The following KCNH1 variants were observed in gnomAD, a reference collection of about 807,000 sequenced individuals.
KCNH1 encodes the protein potassium voltage-gated channel subfamily H member 1, also known as voltage-gated delayed rectifier potassium channel KCNH1.
In KCNH1, 27 loss-of-function variants were observed where a neutral mutation model predicts 69.2. The observed-to-expected ratio is 0.39, with a 90% CI of 0.29 to 0.54. KCNH1 has a LOEUF of 0.54. KCNH1 is among the 20% of genes least tolerant of loss of function. The probability of loss-of-function intolerance (pLI) is 0.68; values close to 1 mark genes in which losing one functional copy is unlikely to be tolerated. For synonymous variants in KCNH1, 456 were observed against 487.7 expected (o/e 0.93, Z 0.86); for missense variants, 798 against 1,261.6 (o/e 0.63, Z 5.57).
At chr1:210,982,204 A>T (rs557998067) in intron 6 of KCNH1, among the ~76,000 whole-genome samples, 19 of 146,184 alleles carry the variant, frequency 1.3e-4, no homozygotes, top group African/African-American at 3.9e-4. Flanking sequence ...CAGCTACGAA[A>T]AGGATGCGAG....
At chr1:211,061,899 T>C (rs1374232132) in intron 5 of KCNH1, among the ~76,000 whole-genome samples, 1 of 152,034 alleles carries the variant, frequency 6.6e-6, no homozygotes, top group Non-Finnish European at 1.5e-5. Flanking sequence ...CCCAAAGCAA[T>C]CTACAAATTC....
intron 6 of KCNH1, among the ~76,000 whole-genome samples, chr1:210,953,310 A>C (rs1688098157): frequency 6.6e-6 from 1 of 152,116 alleles, no homozygotes; most frequent in Non-Finnish European, 1.5e-5. Context: ...CAACCTCCTC[A>C]CCACTCAGGT....
chr1:210,903,488 T>C (rs1399645067), intron 7 of KCNH1, among the ~76,000 whole-genome samples: 1 of 152,202 alleles, frequency 6.6e-6, no homozygotes, highest in Non-Finnish European at 1.5e-5. Flanking sequence ...ATGGTGAATA[T>C]AGTATGTATT....
intron 10 of KCNH1, among the ~76,000 whole-genome samples, chr1:210,770,689 C>T (rs1683737020): frequency 6.6e-6 from 1 of 152,256 alleles, no homozygotes; most frequent in Non-Finnish European, 1.5e-5. Context: ...TGGGGTATTA[C>T]TGTGGTTTTA....
In KCNH1 at chr1:210,683,385, T is replaced by TGAGTA; in HGVS notation, c.2861_2865dup (p.Arg956TyrfsTer5). The TGAGTA allele has an allele frequency of 6.2e-7, 1 of 1,614,172 alleles. No individual in the cohort carries two copies. ...GAGGATCTTCTGGAAGTTAATATCC[T>TGAGTA]GAGTATCTCAGAGAGCTGTTTCTCA... On this transcript the variant is annotated frameshift_variant, in exon 11 of 11. Coordinates refer to ENST00000271751, the MANE Select transcript of KCNH1 (RefSeq NM_172362.3). LOFTEE classifies it high-confidence loss of function. The surrounding 1 kb of genome is among the most constrained non-coding windows in gnomAD (Gnocchi z 5.7).
intron 10 of KCNH1, among the ~76,000 whole-genome samples, chr1:210,716,966 C>CTAAG (rs1682271691): frequency 6.6e-6 from 1 of 152,186 alleles, no homozygotes; most frequent in African/African-American, 2.4e-5. Context: ...GCATACAGCA[C>CTAAG]TAAGTTGACT....
chr1:210,907,112 T>G (rs1687118608), intron 7 of KCNH1, among the ~76,000 whole-genome samples: 1 of 152,152 alleles, frequency 6.6e-6, no homozygotes, highest in African/African-American at 2.4e-5. Flanking sequence ...AAATTGTAAC[T>G]TGGTTAAAGC....
At chr1:210,826,563 C>T (rs1326665657) in intron 7 of KCNH1, among the ~76,000 whole-genome samples, 1 of 152,168 alleles carries the variant, frequency 6.6e-6, no homozygotes, top group Non-Finnish European at 1.5e-5. Flanking sequence ...GAGAACTTTA[C>T]AATTATTTTT....
chr1:211,026,197 C>T (rs1427501973), intron 5 of KCNH1, among the ~76,000 whole-genome samples: 1 of 152,092 alleles, frequency 6.6e-6, no homozygotes, highest in Non-Finnish European at 1.5e-5. Context: ...CTAAGTGCAA[C>T]TAAAAGCCTT....
At chr1:210,960,449 C>A (rs1688271795) in intron 6 of KCNH1, among the ~76,000 whole-genome samples, 1 of 152,242 alleles carries the variant, frequency 6.6e-6, no homozygotes, top group Non-Finnish European at 1.5e-5. Flanking sequence ...TTTCCCCAGG[C>A]AACCACAATG....
chr1:210,883,512 A>G (rs745322995), intron 7 of KCNH1, among the ~76,000 whole-genome samples: 4 of 152,210 alleles, frequency 2.6e-5, no homozygotes, highest in Non-Finnish European at 5.9e-5. Flanking sequence ...ATGGGATGGC[A>G]TGGGGATTCT....
At chr1:211,067,699 C>G (rs968678403) in intron 5 of KCNH1, among the ~76,000 whole-genome samples, 2 of 152,156 alleles carry the variant, frequency 1.3e-5, no homozygotes, top group African/African-American at 4.8e-5. Flanking sequence ...ATCCCCTACC[C>G]GGTCTAAAGC....
intron 7 of KCNH1, among the ~76,000 whole-genome samples, chr1:210,895,524 T>C (rs1686846982): frequency 1.3e-5 from 2 of 152,018 alleles, no homozygotes; most frequent in African/African-American, 4.8e-5. Context: ...TCTAATACAT[T>C]CCTAACAAGG....
At chr1:210,900,886 C>A (rs753053400) in intron 7 of KCNH1, among the ~76,000 whole-genome samples, 2 of 152,154 alleles carry the variant, frequency 1.3e-5, no homozygotes, top group East Asian at 3.8e-4. Context: ...AACTTTAGTA[C>A]CGTGTTATAG....
At chr1:210,805,083 T>C (rs1684507598) in intron 7 of KCNH1, among the ~76,000 whole-genome samples, 1 of 152,180 alleles carries the variant, frequency 6.6e-6, no homozygotes, top group South Asian at 2.1e-4. Flanking sequence ...TCACCACGAG[T>C]GTGACCATGA....
chr1:211,077,722 A>G (rs963032833), intron 5 of KCNH1, among the ~76,000 whole-genome samples: 4 of 152,208 alleles, frequency 2.6e-5, no homozygotes, highest in Admixed American at 2.6e-4. Context: ...ATAACCAGCT[A>G]ACATCATAAT....
intron 7 of KCNH1, among the ~76,000 whole-genome samples, chr1:210,882,496 C>T (rs1412962874): frequency 3.9e-5 from 6 of 152,098 alleles, no homozygotes. Flanking sequence ...CAAAAATAGC[C>T]CTCGGAAATC....
intron 10 of KCNH1, among the ~76,000 whole-genome samples, chr1:210,697,475 C>T (rs1681669781): frequency 6.6e-6 from 1 of 152,330 alleles, no homozygotes; most frequent in African/African-American, 2.4e-5. Flanking sequence ...CTATCTTTCT[C>T]GCAGGCCTGC....
chr1:210,915,697 C>G (rs894806290), intron 7 of KCNH1, among the ~76,000 whole-genome samples: 4 of 152,138 alleles, frequency 2.6e-5, no homozygotes, highest in Admixed American at 6.5e-5. Flanking sequence ...TGTTTTCACC[C>G]CTTCTTAAAG....
Sources: gnomAD v4.1 joint callset for allele counts (sites outside exome capture counted in the v4.1 genomes callset) on GRCh38, gnomAD v4.1.1 for gene constraint, Gnocchi (gnomAD v3.1) non-coding constraint, MANE v1.5 for transcripts, NCBI Gene and HGNC (gene_info 2026-07-23, HGNC 2026-07-21) for gene names.